The following TSPEAR variants were observed in gnomAD, a reference collection of about 807,000 sequenced individuals.
TSPEAR encodes thrombospondin type laminin G domain and EAR repeats.
In TSPEAR, 69 loss-of-function variants were observed where a neutral mutation model predicts 71.6. The observed-to-expected ratio is 0.96, with a 90% CI of 0.79 to 1.18. The LOEUF is 1.18. Among genes scored for constraint, TSPEAR ranks in the 50% most tolerant of loss-of-function variants. TSPEAR has a pLI of 0.00. For missense variants in TSPEAR, 971 were observed against 894.9 expected (o/e 1.09, Z -1.09); for synonymous variants, 402 against 387.2 (o/e 1.04, Z -0.45).
chr21:44,609,484 G>A (rs190460489), intron 1 of TSPEAR, among the ~76,000 whole-genome samples: 80 of 152,312 alleles, frequency 5.3e-4, no homozygotes, highest in South Asian at 1.0e-3. Context: ...ATCAGAGAGA[G>A]ATGAATGAAA....
Position 44,637,755 on chromosome 21 carries a change from T to C in TSPEAR, c.83-69750A>G, listed in dbSNP as rs1555937295. ...TGCGTGCCCGTCTGTAACAAGCCTG[T>C]GTGCTTCGTGCCTACCTGCTCCGAG... On this transcript the variant is annotated intron_variant, in intron 1 of 11. Coordinates refer to ENST00000323084, the MANE Select transcript of TSPEAR (RefSeq NM_144991.3). 6.0e-6 allele frequency: 8 copies of C among 1,331,256 alleles called. No individual in the cohort carries two copies. The Admixed American group carries it at 1.6e-4, about 26-fold the overall frequency. 82.5% of individuals were successfully genotyped at this position (1,331,256 alleles called of 1,614,324 possible).
intron 1 of TSPEAR, among the ~76,000 whole-genome samples, chr21:44,581,672 G>A (rs1273128529): frequency 1.7e-5 from 1 of 59,200 alleles, no homozygotes; most frequent in Admixed American, 2.2e-4. Flanking sequence ...GAAGTGTTTT[G>A]CGCTCTTAAA....
Position 44,526,309 on chromosome 21 carries a change from A to G in TSPEAR, c.1150-470T>C, listed in dbSNP as rs2052853513. Reference sequence around the variant, plus strand: ...TAGTGTAGCTGTGTGAACATACAGAATGAGGGGCAAGGTGCATGGTTCATG... The same window carrying G: ...TAGTGTAGCTGTGTGAACATACAGAGTGAGGGGCAAGGTGCATGGTTCATG... On this transcript the variant is annotated intron_variant, in intron 7 of 11. Transcript: ENST00000323084. Among the ~76,000 whole-genome samples, 3 of 152,316 alleles carry G rather than the reference A, an allele frequency of 2.0e-5. No homozygotes were observed. The South Asian group carries it at 6.2e-4, about 32-fold the overall frequency.
At chr21:44,647,513 C>T (rs1442865462) in intron 1 of TSPEAR, 1 of 895,948 alleles carries the variant, frequency 1.1e-6, no homozygotes, top group Non-Finnish European at 1.7e-6. Context: ...TTCCTCCCCA[C>T]TGTCTGGGAA....
At chr21:44,638,177 C>A in intron 1 of TSPEAR, 1 of 1,601,994 alleles carries the variant, frequency 6.2e-7, no homozygotes, top group Non-Finnish European at 8.5e-7. Flanking sequence ...CTGCTGACAG[C>A]CCTGGATGTG....
At chr21:44,646,475 T>A (rs782170053) in intron 1 of TSPEAR, 2 of 1,612,102 alleles carry the variant, frequency 1.2e-6, no homozygotes, top group African/African-American at 2.7e-5. Context: ...GCGTCCACCA[T>A]GTCTGTCTGC....
chr21:44,601,344 C>T (rs587638590), intron 1 of TSPEAR: 7 of 1,613,362 alleles, frequency 4.3e-6, no homozygotes, highest in Admixed American at 1.7e-5. Context: ...GCTGTGTGCC[C>T]ACCTGCTCTG....
intron 2 of TSPEAR, among the ~76,000 whole-genome samples, chr21:44,536,880 G>A (rs2053098946): frequency 6.6e-6 from 1 of 152,074 alleles, no homozygotes; most frequent in African/African-American, 2.4e-5. Flanking sequence ...CAATATATAT[G>A]TAAAAAATTT....
intron 1 of TSPEAR, among the ~76,000 whole-genome samples, chr21:44,605,766 T>C (rs1555929708): frequency 1.3e-5 from 2 of 152,144 alleles, no homozygotes; most frequent in African/African-American, 4.8e-5. Context: ...AAACTAAAAT[T>C]GAACCCTCAT....
intron 1 of TSPEAR, among the ~76,000 whole-genome samples, chr21:44,588,065 ACAGT>A (rs1341577604): frequency 6.6e-6 from 1 of 152,270 alleles, no homozygotes; most frequent in African/African-American, 2.4e-5. Flanking sequence ...GGCAAAAGAA[ACAGT>A]CAGCAGAGTA....
chr21:44,516,860 TG>T (rs2052588491), intron 9 of TSPEAR, among the ~76,000 whole-genome samples: 1 of 151,988 alleles, frequency 6.6e-6, no homozygotes, highest in South Asian at 2.1e-4. Flanking sequence ...CTCCTGGGTA[TG>T]GCCCTCCCCT....
intron 1 of TSPEAR, among the ~76,000 whole-genome samples, chr21:44,572,263 A>G (rs1426151112): frequency 6.6e-6 from 1 of 152,206 alleles, no homozygotes. Context: ...GAGACCTTTC[A>G]GCCAACGCCA....
rs373504201 is a variant in TSPEAR at position 44,531,041 on chromosome 21, G to T, written c.633+2C>A. On this transcript the variant is annotated splice_donor_variant, in intron 4 of 11. Transcript: ENST00000323084. LOFTEE classifies it high-confidence loss of function. ...TTGGGAAGGCAGCCCCTCCATACTC[G>T]CCATGAACAGGCCTTTGGCTCTCCT... 1.2e-6 allele frequency: 2 copies of T among 1,612,656 alleles called. No homozygotes were observed. Among genetic ancestry groups the T allele is most frequent in the Admixed American group, 1.7e-5 (1 of 60,012 alleles).
At chr21:44,608,404 G>A (rs1981444909) in intron 1 of TSPEAR, among the ~76,000 whole-genome samples, 1 of 152,158 alleles carries the variant, frequency 6.6e-6, no homozygotes, top group South Asian at 2.1e-4. Context: ...TGGGTTGGGA[G>A]CATTCACACG....
chr21:44,696,076 C>A (rs1216275198), intron 1 of TSPEAR, among the ~76,000 whole-genome samples: 1 of 152,138 alleles, frequency 6.6e-6, no homozygotes, highest in Non-Finnish European at 1.5e-5. Flanking sequence ...CTAGAACAAC[C>A]CCTCTGAACT....
At chr21:44,526,432 T>C (rs2052856422) in intron 7 of TSPEAR, among the ~76,000 whole-genome samples, 1 of 152,018 alleles carries the variant, frequency 6.6e-6, no homozygotes. Context: ...AATTTTCCAA[T>C]TGTTCTTTGA....
intron 1 of TSPEAR, among the ~76,000 whole-genome samples, chr21:44,584,154 T>C (rs587628426): frequency 1.3e-5 from 2 of 152,364 alleles, no homozygotes; most frequent in East Asian, 3.9e-4. Flanking sequence ...GCTTGGCTTT[T>C]TTAGATTCCA....
chr21:44,505,712 G>T (rs1569149608), intron 10 of TSPEAR, among the ~76,000 whole-genome samples: 2 of 151,734 alleles, frequency 1.3e-5, no homozygotes, highest in African/African-American at 2.4e-5. Flanking sequence ...GTGACTCAAG[G>T]TTCATCCGTG....
At position 44,647,119 on chromosome 21, in the gene TSPEAR, T is replaced by C. The variant is rs73909208; in HGVS notation, c.82+64314A>G. The C allele has an allele frequency of 4.8e-3, 7,749 of 1,614,138 alleles. 362 individuals carry two copies. The African/African-American group carries it at 0.093, about 19-fold the overall frequency. Reference sequence around the variant, plus strand: ...CTCTTCACGCTGCCAGCAGCCTAGCTGCCAGCCAGCTTGCTGCACCACCTC... The same window carrying C: ...CTCTTCACGCTGCCAGCAGCCTAGCCGCCAGCCAGCTTGCTGCACCACCTC... On this transcript the variant is annotated intron_variant, in intron 1 of 11. Transcript: ENST00000323084.
Sources: allele counts gnomAD v4.1 joint callset (sites outside exome capture counted in the v4.1 genomes callset), GRCh38; gene constraint gnomAD v4.1.1; transcripts MANE v1.5; gene names NCBI Gene and HGNC (gene_info 2026-07-23, HGNC 2026-07-21).